MYLK: variants seen among roughly 807,000 people sequenced by gnomAD.
MYLK encodes the protein myosin light chain kinase.
MYLK carries 106 observed loss-of-function variants against 203.4 expected under a neutral mutation model. That is an observed-to-expected ratio of 0.52 (90% CI 0.45 to 0.61). The LOEUF is 0.61. MYLK is among the 20% of genes least tolerant of loss of function. The pLI, the probability that MYLK is intolerant of heterozygous loss-of-function variation, is 0.00. For missense variants in MYLK, 2,072 were observed against 2,442.3 expected, an observed-to-expected ratio of 0.85 and a Z score of 3.20; for synonymous variants, 867 against 959.5, an observed-to-expected ratio of 0.90 and a Z score of 1.78.
At chr3:123,723,687 C>T (rs76245393) in intron 12 of MYLK, among the ~76,000 whole-genome samples, 2,138 of 152,292 alleles carry the variant, frequency 0.014, 47 homozygotes, top group African/African-American at 0.049. Flanking sequence ...TCTCCCAGCT[C>T]GGAGGCTGGG....
chr3:123,649,017 C>T lies in MYLK; in HGVS notation c.4369G>A (p.Glu1457Lys), dbSNP rs1018778128. 1 of 1,614,158 alleles carries T rather than the reference C, an allele frequency of 6.2e-7. No individual in the cohort carries two copies. Among genetic ancestry groups the T allele is most frequent in the Admixed American group, 1.7e-5 (1 of 60,022 alleles). ...TCGTAGAAGTCAGATACTTTTTGTTCAGTATTGATTGTCACTGTCCGGTAA... is the reference window on the plus strand; with the variant it reads ...TCGTAGAAGTCAGATACTTTTTGTTTAGTATTGATTGTCACTGTCCGGTAA... ...VDYRTVTINT[E>K]QKVSDFYDIE... is the part of the protein sequence containing the mutation. The change falls in exon 26 of 34, where the codon GAA becomes AAA. Residue 1457 changes from glutamate (E) to lysine (K), a missense_variant. This residue lies in a region of MYLK where 524 missense variants were observed against 782.4 expected (regional missense o/e 0.67). Transcript: ENST00000360304.
intron 4 of MYLK, among the ~76,000 whole-genome samples, chr3:123,767,031 C>G (rs974914279): frequency 2.6e-5 from 4 of 152,164 alleles, no homozygotes; most frequent in African/African-American, 9.7e-5. Flanking sequence ...AATCTCTTTT[C>G]TAAAGAAGCA....
chr3:123,701,545 C>G (rs1487216744), intron 16 of MYLK, 36 bp from the exon 17 acceptor site: 2 of 1,607,302 alleles, frequency 1.2e-6, no homozygotes, highest in African/African-American at 1.3e-5. Context: ...GATCAAGAGG[C>G]CCTCTGGGCA....
intron 3 of MYLK, among the ~76,000 whole-genome samples, chr3:123,812,432 C>T (rs975412909): frequency 6.6e-6 from 1 of 152,228 alleles, no homozygotes; most frequent in Non-Finnish European, 1.5e-5. Flanking sequence ...CATGCTTGCT[C>T]AGGTGTCCTC....
chr3:123,746,957 A>AT (rs1277556870), intron 5 of MYLK, among the ~76,000 whole-genome samples: 2 of 152,356 alleles, frequency 1.3e-5, no homozygotes, highest in South Asian at 4.1e-4. Context: ...TCCAAAAGAA[A>AT]TAAGAGCAAA....
chr3:123,797,962 G>A (rs1017665023), intron 3 of MYLK, among the ~76,000 whole-genome samples: 6 of 152,236 alleles, frequency 3.9e-5, no homozygotes, highest in African/African-American at 1.4e-4. Flanking sequence ...GGGTCTATGA[G>A]TGAGATGACT....
intron 16 of MYLK, among the ~76,000 whole-genome samples, chr3:123,702,216 G>A (rs1280902936): frequency 6.6e-6 from 1 of 152,136 alleles, no homozygotes. Flanking sequence ...CAGTGCAGTG[G>A]ATTTGCAGCA....
At chr3:123,762,392 G>A (rs1327978688) in intron 4 of MYLK, among the ~76,000 whole-genome samples, 1 of 151,792 alleles carries the variant, frequency 6.6e-6, no homozygotes, top group Admixed American at 6.6e-5. Flanking sequence ...ACCATGCCTG[G>A]CTAATTTTTC....
At chr3:123,775,462 C>T (rs974623838) in intron 4 of MYLK, among the ~76,000 whole-genome samples, 2 of 152,162 alleles carry the variant, frequency 1.3e-5, no homozygotes, top group African/African-American at 4.8e-5. Flanking sequence ...CATTTCATGC[C>T]TCTTAGAACC....
chr3:123,624,611 C>CT, intron 31 of MYLK: 1 of 152,380 alleles, frequency 6.6e-6, no homozygotes, highest in African/African-American at 2.4e-5. Context: ...TTGAGACCTG[C>CT]TGGCTACAGG....
intron 2 of MYLK, among the ~76,000 whole-genome samples, chr3:123,871,345 C>A (rs1282458598): frequency 6.6e-6 from 1 of 152,088 alleles, no homozygotes; most frequent in African/African-American, 2.4e-5. Context: ...ACCAATGAAT[C>A]TGGAAACAAA....
At position 123,815,105 on chromosome 3, in the gene MYLK, T is replaced by C. The variant is rs1577053598; in HGVS notation, c.-4+16443A>G. On this transcript the variant is annotated intron_variant, in intron 3 of 33. Transcript: ENST00000360304. ...ACCACACCTGGCCCCTTTATTTCCA[T>C]AATAATCCTTTAGATTATTTCCCCA... is the stretch of plus-strand genomic sequence containing the variant. Among the ~76,000 whole-genome samples the C allele has an allele frequency of 3.9e-5, 6 of 152,318 alleles. No homozygotes were observed. The South Asian group carries it at 8.3e-4, about 21-fold the overall frequency.
chr3:123,806,431 G>C (rs369740830), intron 3 of MYLK, among the ~76,000 whole-genome samples: 1 of 152,286 alleles, frequency 6.6e-6, no homozygotes, highest in South Asian at 2.1e-4. Flanking sequence ...CTGTATATAA[G>C]AGCAAGGAAA....
At chr3:123,695,902 C>A (rs767386391) in intron 18 of MYLK, among the ~76,000 whole-genome samples, 2 of 152,196 alleles carry the variant, frequency 1.3e-5, no homozygotes, top group Non-Finnish European at 2.9e-5. Flanking sequence ...CCCACCACCC[C>A]TCAGCAGAGG....
intron 2 of MYLK, among the ~76,000 whole-genome samples, chr3:123,852,627 T>C (rs562261343): frequency 6.6e-6 from 1 of 152,294 alleles, no homozygotes; most frequent in African/African-American, 2.4e-5. Context: ...TCTTTTCTTC[T>C]TTATTAGTCT....
intron 20 of MYLK, among the ~76,000 whole-genome samples, chr3:123,676,041 C>T (rs1232579141): frequency 6.6e-6 from 1 of 152,252 alleles, no homozygotes; most frequent in Non-Finnish European, 1.5e-5. Flanking sequence ...CCCAAACCCC[C>T]AGGACACAGA....
intron 2 of MYLK, among the ~76,000 whole-genome samples, chr3:123,832,122 G>A (rs1402936148): frequency 6.6e-6 from 1 of 152,174 alleles, no homozygotes; most frequent in Non-Finnish European, 1.5e-5. Context: ...GGCTGACAGG[G>A]CAGGAAAAGA....
At chr3:123,762,000 G>T (rs997317787) in intron 4 of MYLK, among the ~76,000 whole-genome samples, 2 of 152,024 alleles carry the variant, frequency 1.3e-5, no homozygotes, top group Non-Finnish European at 2.9e-5. Flanking sequence ...GCACACCAGC[G>T]TGGGCAACAA....
intron 13 of MYLK, among the ~76,000 whole-genome samples, chr3:123,716,830 A>T (rs1015548771): frequency 4.6e-5 from 7 of 152,240 alleles, no homozygotes; most frequent in Non-Finnish European, 7.3e-5. Context: ...CCCTATTAGT[A>T]AAATGAGGCT....
Sources: allele counts gnomAD v4.1 joint callset (sites outside exome capture counted in the v4.1 genomes callset), GRCh38; gene constraint gnomAD v4.1.1; regional missense constraint gnomAD v4.1.1; transcripts MANE v1.5; gene names NCBI Gene and HGNC (gene_info 2026-07-23, HGNC 2026-07-21).